Variants in NCAM1 observed in about 807,000 individuals in gnomAD.
NCAM1 encodes the protein antigen recognized by monoclonal antibody 5.1H11.
Under a neutral mutation model 109.8 loss-of-function variants are expected in NCAM1, and 14 were observed. That is an observed-to-expected ratio of 0.13 (90% CI 0.08 to 0.20). NCAM1 has a LOEUF of 0.20. Among genes scored for constraint, NCAM1 ranks in the 10% least tolerant of loss-of-function variants. The pLI is 1.00. For missense variants in NCAM1, 774 were observed against 1,109.9 expected, an observed-to-expected ratio of 0.70 and a Z score of 4.30; for synonymous variants, 418 against 442.9, an observed-to-expected ratio of 0.94 and a Z score of 0.70.
chr11:112,987,825 C>T (rs1951347563), intron 1 of NCAM1, among the ~76,000 whole-genome samples: 1 of 147,778 alleles, frequency 6.8e-6, no homozygotes, highest in South Asian at 2.6e-4. Flanking sequence ...ATAGTCAAGT[C>T]TTCTTTTTTA....
chr11:113,015,926 G>T (rs1487569732), intron 1 of NCAM1, among the ~76,000 whole-genome samples: 2 of 152,144 alleles, frequency 1.3e-5, no homozygotes, highest in Non-Finnish European at 2.9e-5. Context: ...GACAGAGGTG[G>T]TGAGATGAGA....
At chr11:113,041,367 A>C (rs1555079967) in intron 1 of NCAM1, among the ~76,000 whole-genome samples, 1 of 152,182 alleles carries the variant, frequency 6.6e-6, no homozygotes. Flanking sequence ...CTTGGGTAGC[A>C]TGCTGGTATA....
intron 1 of NCAM1, among the ~76,000 whole-genome samples, chr11:113,011,232 G>A (rs1161095214): frequency 3.4e-5 from 5 of 145,162 alleles, no homozygotes; most frequent in African/African-American, 7.7e-5. Flanking sequence ...TTGTTCTTGC[G>A]ATAGTTTACT....
Position 113,214,529 on chromosome 11 carries a change from A to G in NCAM1, c.1059+18A>G, listed in dbSNP as rs781984390. On this transcript the variant is annotated intron_variant, in intron 8 of 19. Coordinates refer to ENST00000316851, the MANE Select transcript of NCAM1 (RefSeq NM_181351.5). ...AAGAAAAGGTATCATGCTCCCCAGG[A>G]GTTTCAGGGCCTTGGAATGCAGACT... 58 of 1,587,906 alleles carry G rather than the reference A, an allele frequency of 3.7e-5. 1 individual carries two copies. In the South Asian group the frequency reaches 5.8e-4, roughly 16 times the overall value.
Position 113,143,325 on chromosome 11 carries a change from T to A in NCAM1, c.53-59054T>A, listed in dbSNP as rs80325516. Among the ~76,000 whole-genome samples the A allele has an allele frequency of 6.4e-3, 981 of 152,332 alleles. 11 individuals are homozygous for A. The highest frequency in any genetic ancestry group is 0.022 in the African/African-American group (909 of 41,578). ...GATGATTTTCAAAAAAATATTTAAA[T>A]CCCATCTCACATGAAGGATGACTTT... On this transcript the variant is annotated intron_variant, in intron 1 of 19. Coordinates refer to ENST00000316851, the MANE Select transcript of NCAM1 (RefSeq NM_181351.5).
In NCAM1 at chr11:113,202,333, T is replaced by G. The variant is rs45448394; in HGVS notation, c.53-46T>G. The stretch of plus-strand genomic sequence containing the variant: ...GTACGTTTGAACTGAACTTTGTGGG[T>G]TTTTTTTTGTTTTTTGTTTTGTTTT... On this transcript the variant is annotated intron_variant, in intron 1 of 19. Transcript: ENST00000316851. 6.5e-3 allele frequency: 9,626 copies of G among 1,478,338 alleles called. 46 individuals are homozygous for G. Among genetic ancestry groups the G allele is most frequent in the Non-Finnish European group, 7.5e-3 (8,255 of 1,103,958 alleles). 91.6% of individuals were successfully genotyped at this position (1,478,338 alleles called of 1,614,324 possible). A position where few individuals can be genotyped will look rare whatever the true frequency, so the allele number is the denominator to read the frequency against.
Position 113,260,130 on chromosome 11 carries a change from C to T in NCAM1, c.1954-16C>T, listed in dbSNP as rs545992607. On this transcript the variant is annotated splice_polypyrimidine_tract_variant and intron_variant, in intron 16 of 19. Coordinates refer to ENST00000316851, the MANE Select transcript of NCAM1 (RefSeq NM_181351.5). ...TTTTGGTCTCTTGTATCCTTCTTGC[C>T]GGTTTCTCCCAGAAGCTCTCCTCCG... 6.6e-5 allele frequency: 105 copies of T among 1,600,868 alleles called. No individual in the cohort carries two copies. The highest frequency in any genetic ancestry group is 6.0e-4 in the South Asian group (53 of 88,334).
chr11:112,992,331 A>G (rs1189320942), intron 1 of NCAM1, among the ~76,000 whole-genome samples: 2 of 152,102 alleles, frequency 1.3e-5, no homozygotes, highest in Admixed American at 6.6e-5. Context: ...TAGTTGTTTC[A>G]TTGGGTGGTT....
intron 1 of NCAM1, among the ~76,000 whole-genome samples, chr11:113,055,830 C>A (rs1591287645): frequency 6.6e-6 from 1 of 151,328 alleles, no homozygotes; most frequent in South Asian, 2.1e-4. Context: ...CTCAGCAATC[C>A]CACTGCTGGC....
At chr11:113,097,287 A>G (rs1232882514) in intron 1 of NCAM1, among the ~76,000 whole-genome samples, 1 of 152,194 alleles carries the variant, frequency 6.6e-6, no homozygotes, top group Non-Finnish European at 1.5e-5. Flanking sequence ...GATTCAGCAT[A>G]GTTTTATTGA....
At chr11:113,091,305 C>T (rs1023681396) in intron 1 of NCAM1, among the ~76,000 whole-genome samples, 28 of 152,048 alleles carry the variant, frequency 1.8e-4, no homozygotes, top group Non-Finnish European at 1.2e-4. Context: ...CCCTGCTCCC[C>T]TGTTTCTGCT....
intron 1 of NCAM1, among the ~76,000 whole-genome samples, chr11:113,110,321 A>T (rs1940389191): frequency 1.3e-5 from 2 of 152,136 alleles, no homozygotes; most frequent in Non-Finnish European, 2.9e-5. Context: ...TTTTTCATAA[A>T]CTCATTTCAC....
intron 1 of NCAM1, among the ~76,000 whole-genome samples, chr11:113,016,142 T>C (rs1174765085): frequency 6.6e-6 from 1 of 152,140 alleles, no homozygotes; most frequent in Non-Finnish European, 1.5e-5. Context: ...ATTTAGGAGG[T>C]TGAGTTCATG....
intron 1 of NCAM1, among the ~76,000 whole-genome samples, chr11:112,994,277 C>T (rs782461818): frequency 2.6e-5 from 4 of 152,116 alleles, no homozygotes; most frequent in Non-Finnish European, 5.9e-5. Flanking sequence ...AGAAGAATTT[C>T]CACATTGTAA....
chr11:113,270,354 G>A lies in NCAM1; in HGVS notation c.2298G>A (p.Gly766=), dbSNP rs76495917. The change falls in exon 18 of 20, where the codon GGG becomes GGA. Residue 766 remains glycine (G), a synonymous_variant. Coordinates refer to ENST00000316851, the MANE Select transcript of NCAM1 (RefSeq NM_181351.5). ...AVNLCGKAGP[G]AKGKDMEEGK... ...ACCTGTGTGGAAAAGCCGGGCCCGGGGCCAAGGGCAAGGACATGGAGGAGG... is the reference window on the plus strand; with the variant it reads ...ACCTGTGTGGAAAAGCCGGGCCCGGAGCCAAGGGCAAGGACATGGAGGAGG... 887 of 1,613,996 alleles carry A rather than the reference G, an allele frequency of 5.5e-4. 8 individuals are homozygous for A. In the African/African-American group the frequency reaches 0.011, roughly 20 times the overall value.
At chr11:113,126,098 A>G (rs1941163577) in intron 1 of NCAM1, among the ~76,000 whole-genome samples, 1 of 151,384 alleles carries the variant, frequency 6.6e-6, no homozygotes, top group Admixed American at 6.6e-5. Context: ...CAGAGATTGC[A>G]GGGAGCCAAG....
At chr11:113,213,527 C>A (rs111282153) in intron 7 of NCAM1, among the ~76,000 whole-genome samples, 128 of 152,300 alleles carry the variant, frequency 8.4e-4, no homozygotes, top group African/African-American at 3.0e-3. Flanking sequence ...CTGATTTCTT[C>A]ATTTGAGTTA....
intron 1 of NCAM1, chr11:112,977,376 T>A (rs1951034990): frequency 6.6e-6 from 1 of 151,856 alleles, no homozygotes; most frequent in Admixed American, 6.6e-5. Flanking sequence ...CTTTTATAAT[T>A]TGTCTAGCAG....
chr11:113,229,408 G>T (rs540145271), intron 9 of NCAM1, among the ~76,000 whole-genome samples: 1 of 152,264 alleles, frequency 6.6e-6, no homozygotes, highest in East Asian at 1.9e-4. Context: ...AGTTAGAATG[G>T]CGATCATTAA....
Sources: allele counts gnomAD v4.1 joint callset (sites outside exome capture counted in the v4.1 genomes callset), GRCh38; gene constraint gnomAD v4.1.1; transcripts MANE v1.5; gene names NCBI Gene and HGNC (gene_info 2026-07-23, HGNC 2026-07-21).